VEGFC: variants seen among roughly 807,000 people sequenced by gnomAD.
VEGFC encodes vascular endothelial growth factor C.
VEGFC carries 12 observed loss-of-function variants against 46.1 expected under a neutral mutation model. The ratio of observed to expected loss-of-function variants is 0.26; its 90% CI spans 0.17 to 0.42. VEGFC has a LOEUF of 0.42. Among genes scored for constraint, VEGFC ranks in the 10% least tolerant of loss-of-function variants. The pLI is 1.00. For synonymous variants in VEGFC, 232 were observed against 195.5 expected, an observed-to-expected ratio of 1.19 and a Z score of -1.56; for missense variants, 488 against 529.4, an observed-to-expected ratio of 0.92 and a Z score of 0.77.
intron 1 of VEGFC, among the ~76,000 whole-genome samples, chr4:176,782,301 A>G (rs566175954): frequency 6.6e-6 from 1 of 152,176 alleles, no homozygotes; most frequent in South Asian, 2.1e-4. Context: ...CATTTCTACA[A>G]AAAATTTTAA....
chr4:176,750,538 G>A (rs1009488284), intron 1 of VEGFC, among the ~76,000 whole-genome samples: 4 of 151,750 alleles, frequency 2.6e-5, no homozygotes, highest in Middle Eastern at 3.4e-3. Flanking sequence ...CCACTGAGAA[G>A]CCATTTCAAT....
chr4:176,788,615 G>C (rs1263993135), intron 1 of VEGFC, among the ~76,000 whole-genome samples: 1 of 152,128 alleles, frequency 6.6e-6, no homozygotes, highest in Non-Finnish European at 1.5e-5. Context: ...TCACATGGCT[G>C]ACTGGTCACA....
Position 176,711,508 on chromosome 4 carries a change from G to A in VEGFC, c.695C>T (p.Thr232Ile). The A allele has an allele frequency of 6.2e-7, 1 of 1,612,430 alleles. No individual in the cohort carries two copies. The highest frequency in any genetic ancestry group is 8.5e-7 in the Non-Finnish European group (1 of 1,179,152). ...TTTAATTCATACTCACTGTGGTAGT[G>A]TTGCTGGCAGGGAACGTCTAATAAT... ...HSIIRRSLPA[T>I]LPQCQAANKT... The change falls in exon 4 of 7, where the codon ACA (threonine) becomes ATA (isoleucine). Residue 232 changes from threonine to isoleucine, a missense_variant. Coordinates refer to ENST00000618562, the MANE Select transcript of VEGFC (RefSeq NM_005429.5).
intron 1 of VEGFC, among the ~76,000 whole-genome samples, chr4:176,749,440 T>C (rs1735306300): frequency 1.3e-5 from 2 of 151,894 alleles, no homozygotes; most frequent in Admixed American, 1.3e-4. Flanking sequence ...ATGTCAAATT[T>C]TGTGTATTTT....
Position 176,792,018 on chromosome 4 carries a change from C to T in VEGFC, c.147+147G>A. 8.8e-7 allele frequency: 1 copy of T among 1,133,348 alleles called. No individual in the cohort carries two copies. The highest frequency in any genetic ancestry group is 3.9e-5 in the South Asian group (1 of 25,778). The allele number at this position is 1,133,348 out of a possible 1,614,324, so 70.2% of individuals were successfully genotyped here. A position where few individuals can be genotyped will look rare whatever the true frequency, so the allele number is the denominator to read the frequency against. ...ATTTAAAAAGAAGAAGATTTTTCTC[C>T]AAAGCAGCGTGCACTGAGCTCAGTA... On this transcript the variant is annotated intron_variant, in intron 1 of 6. Coordinates refer to ENST00000618562, the MANE Select transcript of VEGFC (RefSeq NM_005429.5). This position sits in a 1 kb window ranked among gnomAD's most constrained non-coding sequence, Gnocchi z 6.3.
At chr4:176,786,414 A>G (rs898043247) in intron 1 of VEGFC, among the ~76,000 whole-genome samples, 1 of 152,066 alleles carries the variant, frequency 6.6e-6, no homozygotes, top group Non-Finnish European at 1.5e-5. Context: ...AATATTCAAA[A>G]CATCCCTCTC....
At chr4:176,720,178 T>C (rs566138987) in intron 3 of VEGFC, among the ~76,000 whole-genome samples, 4 of 152,286 alleles carry the variant, frequency 2.6e-5, no homozygotes, top group African/African-American at 9.6e-5. Flanking sequence ...ATGATGAATG[T>C]TGGCTTTCCC....
chr4:176,732,805 A>C (rs1481994697), intron 1 of VEGFC, among the ~76,000 whole-genome samples: 1 of 151,920 alleles, frequency 6.6e-6, no homozygotes, highest in Non-Finnish European at 1.5e-5. Context: ...ATAGCAATTT[A>C]CATAATTTTT....
chr4:176,748,933 A>G (rs1468279153), intron 1 of VEGFC, among the ~76,000 whole-genome samples: 1 of 151,980 alleles, frequency 6.6e-6, no homozygotes, highest in Admixed American at 6.6e-5. Context: ...GAATAAAACC[A>G]TATGGAATAT....
chr4:176,727,691 C>A, intron 3 of VEGFC, 87 bp downstream of exon 3: 4 of 1,378,052 alleles, frequency 2.9e-6, no homozygotes, highest in Admixed American at 2.6e-5. Flanking sequence ...TAGTTTAAAG[C>A]AACCAGAAGT....
chr4:176,774,151 A>G (rs1452470815), intron 1 of VEGFC, among the ~76,000 whole-genome samples: 1 of 140,156 alleles, frequency 7.1e-6, no homozygotes, highest in African/African-American at 2.6e-5. Flanking sequence ...TAACAGAATC[A>G]ATAATACATA....
At chr4:176,756,610 A>T (rs1735436939) in intron 1 of VEGFC, among the ~76,000 whole-genome samples, 1 of 152,032 alleles carries the variant, frequency 6.6e-6, no homozygotes, top group Admixed American at 6.6e-5. Context: ...ATGGGGATGA[A>T]AAAAACGTAC....
At chr4:176,711,777 C>T (rs991354078) in intron 3 of VEGFC, 127 bp from the exon 4 acceptor site, 8 of 850,868 alleles carry the variant, frequency 9.4e-6, no homozygotes, top group East Asian at 5.3e-5. Context: ...GTACGCAGGA[C>T]GCTATGTTTT....
chr4:176,776,687 G>A (rs1430403673), intron 1 of VEGFC, among the ~76,000 whole-genome samples: 1 of 152,186 alleles, frequency 6.6e-6, no homozygotes, highest in Non-Finnish European at 1.5e-5. Context: ...GACACACAGT[G>A]GACCAAGCCC....
At chr4:176,710,363 G>A (rs1390235512) in intron 4 of VEGFC, among the ~76,000 whole-genome samples, 3 of 152,078 alleles carry the variant, frequency 2.0e-5, no homozygotes, top group Non-Finnish European at 4.4e-5. Flanking sequence ...GTGGTCTCTT[G>A]CTTGTATTAG....
At chr4:176,780,391 A>AAAAAACAAAC (rs1553997829) in intron 1 of VEGFC, among the ~76,000 whole-genome samples, 4 of 148,598 alleles carry the variant, frequency 2.7e-5, no homozygotes, top group Admixed American at 2.1e-4. Context: ...CAAAAAAAAA[A>AAAAAACAAAC]AAAAAAAACT....
chr4:176,785,811 G>T (rs954943980), intron 1 of VEGFC, among the ~76,000 whole-genome samples: 1 of 152,102 alleles, frequency 6.6e-6, no homozygotes, highest in Non-Finnish European at 1.5e-5. Context: ...ACTATTAAGC[G>T]GTGTATGCAT....
intron 1 of VEGFC, among the ~76,000 whole-genome samples, chr4:176,755,337 G>A (rs907605506): frequency 6.6e-6 from 1 of 151,996 alleles, no homozygotes. Context: ...GCTCCCCAGA[G>A]CAGCCCTAAG....
At chr4:176,696,624 G>GA (rs1734318814) in intron 4 of VEGFC, among the ~76,000 whole-genome samples, 1 of 151,134 alleles carries the variant, frequency 6.6e-6, no homozygotes, top group Non-Finnish European at 1.5e-5. Flanking sequence ...CACAGAACTG[G>GA]AAAAAACTAC....
Sources: gnomAD v4.1 joint callset for allele counts (sites outside exome capture counted in the v4.1 genomes callset) on GRCh38, gnomAD v4.1.1 for gene constraint, Gnocchi (gnomAD v3.1) non-coding constraint, MANE v1.5 for transcripts, NCBI Gene and HGNC (gene_info 2026-07-23, HGNC 2026-07-21) for gene names.